COL5A1: variants seen among roughly 807,000 people sequenced by gnomAD.
COL5A1 encodes collagen alpha-1(V) chain.
COL5A1 carries 16 observed loss-of-function variants against 263.7 expected under a neutral mutation model. The ratio of observed to expected loss-of-function variants is 0.06; its 90% CI spans 0.04 to 0.09. COL5A1 has a LOEUF of 0.09. Ranked by LOEUF, COL5A1 falls within the 10% of genes least tolerant of loss-of-function variation. COL5A1 has a pLI of 1.00. For missense variants in COL5A1, 2,036 were observed against 2,540.5 expected (o/e 0.80, Z 4.27); for synonymous variants, 1,012 against 1,004.5 (o/e 1.01, Z -0.14).
At chr9:134,781,605 G>A (rs1837257610) in intron 28 of COL5A1, among the ~76,000 whole-genome samples, 1 of 152,240 alleles carries the variant, frequency 6.6e-6, no homozygotes, top group African/African-American at 2.4e-5. Flanking sequence ...ATTGGGCTGT[G>A]CAGGGGATGC....
intron 4 of COL5A1, among the ~76,000 whole-genome samples, chr9:134,713,023 C>T (rs905289932): frequency 2.0e-5 from 3 of 152,238 alleles, no homozygotes; most frequent in African/African-American, 4.8e-5. Flanking sequence ...CTGTGCTCCA[C>T]GGCCTCTCTC....
chr9:134,758,009 A>T lies in COL5A1; in HGVS notation c.1882-234A>T, dbSNP rs979711395. Reference sequence around the variant, plus strand: ...ACCCGTCGGGGCCTGGGACTTGGGGATGAAAGTCATCTCCCCCTTTGCAGC... The same window carrying T: ...ACCCGTCGGGGCCTGGGACTTGGGGTTGAAAGTCATCTCCCCCTTTGCAGC... On this transcript the variant is annotated intron_variant, in intron 17 of 65. Transcript: ENST00000371817. This position sits in a 1 kb window ranked among gnomAD's most constrained non-coding sequence, Gnocchi z 4.1. 6.6e-6 allele frequency among the ~76,000 whole-genome samples: 1 copy of T among 152,168 alleles called. No individual in the cohort carries two copies. Among genetic ancestry groups the T allele is most frequent in the African/African-American group, 2.4e-5 (1 of 41,438 alleles).
chr9:134,820,029 G>A, intron 57 of COL5A1, 87 bp from the exon 58 acceptor site: 1 of 938,220 alleles, frequency 1.1e-6, no homozygotes, highest in South Asian at 1.3e-5. Flanking sequence ...CTGTGCCATG[G>A]CTGTGCTGCG....
chr9:134,758,813 G>A lies in COL5A1; in HGVS notation c.1935+517G>A, dbSNP rs1312561168. Among the ~76,000 whole-genome samples, 1 of 152,168 alleles carries A rather than the reference G, an allele frequency of 6.6e-6. No individual in the cohort carries two copies. The highest frequency in any genetic ancestry group is 1.5e-5 in the Non-Finnish European group (1 of 68,032). On this transcript the variant is annotated intron_variant, in intron 18 of 65. Coordinates refer to ENST00000371817, the MANE Select transcript of COL5A1 (RefSeq NM_000093.5). This position sits in a 1 kb window ranked among gnomAD's most constrained non-coding sequence, Gnocchi z 4.1. Reference sequence around the variant, plus strand: ...ATGAATTTGAAAGTGTGTCCCGTGAGTCCCGAGCTAGTGCGGTGACCTGGG... The same window carrying A: ...ATGAATTTGAAAGTGTGTCCCGTGAATCCCGAGCTAGTGCGGTGACCTGGG...
intron 1 of COL5A1, among the ~76,000 whole-genome samples, chr9:134,644,835 C>G (rs1319119510): frequency 6.6e-6 from 1 of 152,160 alleles, no homozygotes; most frequent in Non-Finnish European, 1.5e-5. Context: ...TTGGTTGACT[C>G]CAGTCACGTG....
chr9:134,829,412 G>A (rs1388191462), intron 63 of COL5A1, among the ~76,000 whole-genome samples: 1 of 129,108 alleles, frequency 7.7e-6, no homozygotes, highest in African/African-American at 3.3e-5. Context: ...TCCTCACGCA[G>A]CCTCCGGTCT....
chr9:134,835,817 C>A (rs1176233060), intron 65 of COL5A1, among the ~76,000 whole-genome samples: 1 of 152,232 alleles, frequency 6.6e-6, no homozygotes, highest in African/African-American at 2.4e-5. Flanking sequence ...TTTCCCCTCC[C>A]TACTCAGTGA....
intron 1 of COL5A1, among the ~76,000 whole-genome samples, chr9:134,690,537 G>T (rs1833241914): frequency 6.6e-6 from 1 of 152,230 alleles, no homozygotes; most frequent in Non-Finnish European, 1.5e-5. Flanking sequence ...TGTCTGGGAG[G>T]CTGGGTGTGT....
At chr9:134,782,776 G>T in intron 29 of COL5A1, 56 bp downstream of exon 29, 2 of 1,422,636 alleles carry the variant, frequency 1.4e-6, no homozygotes, top group Non-Finnish European at 2.0e-6. Context: ...GCTTGGCCGT[G>T]TGGGAGGGGG....
chr9:134,782,101 C>A (rs943826348), intron 28 of COL5A1, among the ~76,000 whole-genome samples: 1 of 152,232 alleles, frequency 6.6e-6, no homozygotes, highest in Admixed American at 6.5e-5. Flanking sequence ...GGGGCACTGA[C>A]GCGCGGCAGC....
In COL5A1 at chr9:134,757,857, A is replaced by AT. The variant is rs1836039811; in HGVS notation, c.1882-385dup. ...CGCGGGCAGCCCCTCGGCACCATGG[A>AT]TACAGCTGTGAGCGGACACACCGGG... On this transcript the variant is annotated intron_variant, in intron 17 of 65. Transcript: ENST00000371817. The surrounding 1 kb of genome is among the most constrained non-coding windows in gnomAD (Gnocchi z 6.2). Among the ~76,000 whole-genome samples, 1 of 152,046 alleles carries AT rather than the reference A, an allele frequency of 6.6e-6. No homozygotes were observed. The highest frequency in any genetic ancestry group is 2.4e-5 in the African/African-American group (1 of 41,418).
chr9:134,670,911 C>T (rs141394483), intron 1 of COL5A1, among the ~76,000 whole-genome samples: 318 of 151,956 alleles, frequency 2.1e-3, no homozygotes, highest in Non-Finnish European at 4.0e-3. Flanking sequence ...CTGCACTAAA[C>T]GCATGTGCCT....
At chr9:134,819,100 A>G (rs1370498972) in intron 57 of COL5A1, 47 bp downstream of exon 57, 1 of 1,594,744 alleles carries the variant, frequency 6.3e-7, no homozygotes, top group East Asian at 2.2e-5. Context: ...GGGGCCTTCA[A>G]ATTTGTGGCC....
At chr9:134,663,129 T>C (rs1832259504) in intron 1 of COL5A1, among the ~76,000 whole-genome samples, 1 of 152,268 alleles carries the variant, frequency 6.6e-6, no homozygotes, top group African/African-American at 2.4e-5. Context: ...AACTGTTCTC[T>C]GCACGTTGCT....
At position 134,681,168 on chromosome 9, in the gene COL5A1, T is replaced by A. The variant is rs918279931; in HGVS notation, c.110-9744T>A. Among the ~76,000 whole-genome samples, 4 of 152,074 alleles carry A rather than the reference T, an allele frequency of 2.6e-5. No homozygotes were observed. ...AGGCCGCCTGCCTTGCAGGGAGGGC[T>A]GGGGTGGGGGGGCCTCAGCCCTGGG... On this transcript the variant is annotated intron_variant, in intron 1 of 65. Transcript: ENST00000371817. The surrounding 1 kb of genome is among the most constrained non-coding windows in gnomAD (Gnocchi z 4.3).
chr9:134,777,566 G>T (rs1022722036), intron 27 of COL5A1, among the ~76,000 whole-genome samples: 1 of 152,144 alleles, frequency 6.6e-6, no homozygotes, highest in Non-Finnish European at 1.5e-5. Context: ...GGACCGGGAG[G>T]GGTCTCAGGA....
rs1838639207 is a variant in COL5A1 at position 134,813,966 on chromosome 9, A to G, written c.3853-17A>G. ...CGGTGCTCACCGCTGCCATAACCAC[A>G]TGCACTGTCTCCCTAGGGCGAGCCT... On this transcript the variant is annotated splice_polypyrimidine_tract_variant and intron_variant, in intron 48 of 65. Transcript: ENST00000371817. 1 of 1,550,440 alleles carries G rather than the reference A, an allele frequency of 6.4e-7. No individual in the cohort carries two copies. The highest frequency in any genetic ancestry group is 1.4e-5 in the African/African-American group (1 of 73,040).
chr9:134,780,443 C>T (rs1049139232), intron 28 of COL5A1, among the ~76,000 whole-genome samples: 2 of 152,214 alleles, frequency 1.3e-5, no homozygotes, highest in Admixed American at 1.3e-4. Context: ...AACACACGGC[C>T]CCCCACGTGC....
At chr9:134,706,406 A>G (rs2132585134) in intron 4 of COL5A1, among the ~76,000 whole-genome samples, 1 of 152,298 alleles carries the variant, frequency 6.6e-6, no homozygotes, top group Non-Finnish European at 1.5e-5. Context: ...TTGTGTTTTC[A>G]GAAACATGGC....
Sources: gnomAD v4.1 joint callset for allele counts (sites outside exome capture counted in the v4.1 genomes callset) on GRCh38, gnomAD v4.1.1 for gene constraint, Gnocchi (gnomAD v3.1) non-coding constraint, MANE v1.5 for transcripts, NCBI Gene and HGNC (gene_info 2026-07-23, HGNC 2026-07-21) for gene names.